The following STYX variants were observed in gnomAD, a reference collection of about 807,000 sequenced individuals.
STYX encodes the protein serine/threonine/tyrosine interacting protein.
A neutral mutation model predicts 42.7 loss-of-function variants in STYX; 20 were observed. That is an observed-to-expected ratio of 0.47 (90% CI 0.33 to 0.68). The LOEUF (loss-of-function observed/expected upper bound fraction) is 0.68, where lower values mean the gene tolerates loss of function less well. STYX is among the 30% of genes least tolerant of loss of function. STYX has a pLI of 0.02. For missense variants in STYX, 226 were observed against 268.5 expected (o/e 0.84, Z 1.11); for synonymous variants, 78 against 81.9 (o/e 0.95, Z 0.26).
chr14:52,770,515 G>A (rs1282737120), intron 10 of STYX, among the ~76,000 whole-genome samples: 3 of 152,054 alleles, frequency 2.0e-5, no homozygotes, highest in South Asian at 2.1e-4. Flanking sequence ...ATGAAGAATA[G>A]ATAAAAGAAA....
At position 52,750,772 on chromosome 14, in the gene STYX, G is replaced by T; in HGVS notation, c.234G>T (p.Gln78His). Residue 78 changes from glutamine (Q) to histidine (H), a missense_variant, in exon 4 of 11, where the codon CAG becomes CAT. Physicochemically the swap from Gln to His is conservative, Grantham distance 24. Coordinates refer to ENST00000354586, the MANE Select transcript of STYX (RefSeq NM_145251.4). The part of the protein sequence containing the change: ...EANFIKPNFQ[Q>H]LFRYLVLDIA... ...ACTTTATTAAACCAAACTTTCAGCA[G>T]TTATTTAGGTAAGAATTATTGCTAT... 1 of 1,556,872 alleles carries T rather than the reference G, an allele frequency of 6.4e-7. No individual in the cohort carries two copies.
chr14:52,739,632 CTTTTTTTTTT>C (rs58454717), intron 1 of STYX, among the ~76,000 whole-genome samples: 5 of 65,730 alleles, frequency 7.6e-5, no homozygotes, highest in East Asian at 4.1e-4. Context: ...TCCTTTCTTT[CTTTTTTTTTT>C]TTTTTTTTTT....
rs1395047696 is a variant in STYX, at chr14:52,732,140, C to T, written c.57+1609C>T. On this transcript the variant is annotated intron_variant, in intron 1 of 10. Coordinates refer to ENST00000354586, the MANE Select transcript of STYX (RefSeq NM_145251.4). Reference sequence around the variant, plus strand: ...ACACAGAGTTTCACTCTTGTTGCCCCAGGCTGGAGTGCAGTGGCGCTGTCT... The same window carrying T: ...ACACAGAGTTTCACTCTTGTTGCCCTAGGCTGGAGTGCAGTGGCGCTGTCT... 6.7e-5 allele frequency among the ~76,000 whole-genome samples: 10 copies of T among 149,770 alleles called. 1 individual carries two copies. The highest frequency in any genetic ancestry group is 9.9e-5 in the African/African-American group (4 of 40,556).
At position 52,746,474 on chromosome 14, in the gene STYX, A is replaced by G; in HGVS notation, c.139A>G (p.Ser47Gly). ...FLGPYSSAMK[S>G]KLPVLQKHGI... ...AGGCCCATATTCATCTGCTATGAAAAGCAAGGTATGAACTTTGTTAGATTC... is the reference window on the plus strand; with the variant it reads ...AGGCCCATATTCATCTGCTATGAAAGGCAAGGTATGAACTTTGTTAGATTC... The change falls in exon 3 of 11, where the codon AGC becomes GGC. Residue 47 changes from serine (S) to glycine (G), a missense_variant. Transcript: ENST00000354586. The G allele has an allele frequency of 6.4e-7, 1 of 1,554,334 alleles. No individual in the cohort carries two copies. Among genetic ancestry groups the G allele is most frequent in the Non-Finnish European group, 8.6e-7 (1 of 1,161,190 alleles).
In STYX at chr14:52,772,805, C is replaced by T. The variant is rs1882564187; in HGVS notation, c.*1699C>T. 6.6e-6 allele frequency: 1 copy of T among 151,724 alleles called. No individual in the cohort carries two copies. The highest frequency in any genetic ancestry group is 2.1e-4 in the South Asian group (1 of 4,818). The allele number at this position is 151,724 out of a possible 1,614,324, so 9.4% of individuals were successfully genotyped here. On this transcript the variant is annotated 3_prime_UTR_variant, in exon 11 of 11. Coordinates refer to ENST00000354586, the MANE Select transcript of STYX (RefSeq NM_145251.4). ...GTGATATTTCTCTTCTGATTTCCCTCCCCTTCCCTTCTCTTATCTTACCAC... is the reference window on the plus strand; with the variant it reads ...GTGATATTTCTCTTCTGATTTCCCTTCCCTTCCCTTCTCTTATCTTACCAC...
intron 1 of STYX, among the ~76,000 whole-genome samples, chr14:52,735,601 A>G (rs17619555): frequency 0.032 from 4,904 of 152,304 alleles, 117 homozygotes; most frequent in Non-Finnish European, 0.05. Flanking sequence ...TTAATTTTCT[A>G]ATCTCCAGTG....
rs1227928867 is a variant in STYX at position 52,774,344 on chromosome 14, A to G, written c.*3238A>G. ...TGAATTATAAAGTTGAGATATATAT[A>G]TATATGTATCAAGATCTCAACTTGA... On this transcript the variant is annotated 3_prime_UTR_variant, in exon 11 of 11. Transcript: ENST00000354586. 1 of 152,126 alleles carries G rather than the reference A, an allele frequency of 6.6e-6. No individual in the cohort carries two copies. Among genetic ancestry groups the G allele is most frequent in the Non-Finnish European group, 1.5e-5 (1 of 68,014 alleles). 9.4% of individuals were successfully genotyped at this position (152,126 alleles called of 1,614,324 possible).
intron 3 of STYX, among the ~76,000 whole-genome samples, chr14:52,747,886 C>A (rs1197791680): frequency 6.6e-6 from 1 of 152,044 alleles, no homozygotes; most frequent in African/African-American, 2.4e-5. Context: ...CAGCTACTCG[C>A]GAGGCTGAGG....
chr14:52,730,591 G>C, intron 1 of STYX, 60 bp downstream of exon 1: 1 of 1,570,828 alleles, frequency 6.4e-7, no homozygotes, highest in Non-Finnish European at 8.7e-7. Context: ...GCCGAGGGGC[G>C]ACCCCAGTCC....
At chr14:52,764,949 G>A (rs754142307) in intron 9 of STYX, among the ~76,000 whole-genome samples, 75 of 152,230 alleles carry the variant, frequency 4.9e-4, no homozygotes, top group Non-Finnish European at 7.4e-4. Context: ...GATTACGGGC[G>A]TGAGCCACGG....
Position 52,748,636 on chromosome 14 carries a change from A to G in STYX, c.145-2047A>G, listed in dbSNP as rs1445384384. On this transcript the variant is annotated intron_variant, in intron 3 of 10. Coordinates refer to ENST00000354586, the MANE Select transcript of STYX (RefSeq NM_145251.4). The stretch of plus-strand genomic sequence containing the variant: ...GCAGATCTGCCTCTGAAAAGTACAA[A>G]ATCTATTCGCTGTTACGTTAGGGCT... Among the ~76,000 whole-genome samples the G allele has an allele frequency of 2.0e-5, 3 of 152,130 alleles. No homozygotes were observed. The South Asian group carries it at 6.2e-4, about 32-fold the overall frequency.
At chr14:52,745,131 T>G (rs1281477916) in intron 2 of STYX, among the ~76,000 whole-genome samples, 2 of 151,502 alleles carry the variant, frequency 1.3e-5, no homozygotes, top group Non-Finnish European at 2.9e-5. Context: ...TTGTTTTTTT[T>G]TTTTTTGAAA....
intron 2 of STYX, among the ~76,000 whole-genome samples, 193 bp downstream of exon 2, chr14:52,745,077 A>G (rs1464653946): frequency 2.0e-5 from 3 of 151,696 alleles, no homozygotes; most frequent in Admixed American, 6.6e-5. Context: ...GAACGTAGTA[A>G]TAGGTGTATG....
At position 52,774,326 on chromosome 14, in the gene STYX, T is replaced by C. The variant is rs1000196420; in HGVS notation, c.*3220T>C. The stretch of plus-strand genomic sequence containing the variant: ...AATATTTAACTGCAATCTTGAATTA[T>C]AAAGTTGAGATATATATATATATGT... On this transcript the variant is annotated 3_prime_UTR_variant, in exon 11 of 11. Transcript: ENST00000354586. 6 of 152,122 alleles carry C rather than the reference T, an allele frequency of 3.9e-5. No individual in the cohort carries two copies. The highest frequency in any genetic ancestry group is 1.4e-4 in the African/African-American group (6 of 41,420). The allele number at this position is 152,122 out of a possible 1,614,324, so 9.4% of individuals were successfully genotyped here.
chr14:52,730,373 C>G lies in STYX; in HGVS notation c.-102C>G, dbSNP rs1431358815. The G allele has an allele frequency of 1.1e-5, 13 of 1,237,522 alleles. No homozygotes were observed. Among genetic ancestry groups the G allele is most frequent in the African/African-American group, 1.5e-5 (1 of 67,132 alleles). 76.7% of individuals were successfully genotyped at this position (1,237,522 alleles called of 1,614,324 possible). A position where few individuals can be genotyped will look rare whatever the true frequency, so the allele number is the denominator to read the frequency against. On this transcript the variant is annotated 5_prime_UTR_variant, in exon 1 of 11. Coordinates refer to ENST00000354586, the MANE Select transcript of STYX (RefSeq NM_145251.4). ...TCCCGCCGCCCTCCTGTCAGCCCTC[C>G]GCTCCGCCGGCCCTCCTTCCTTCCG...
intron 1 of STYX, among the ~76,000 whole-genome samples, chr14:52,730,978 T>G (rs1057169756): frequency 6.6e-6 from 1 of 152,230 alleles, no homozygotes; most frequent in African/African-American, 2.4e-5. Context: ...TTCCCAAAGT[T>G]TTTTGTTTGT....
chr14:52,747,297 T>A (rs1402452423), intron 3 of STYX, among the ~76,000 whole-genome samples: 1 of 152,212 alleles, frequency 6.6e-6, no homozygotes, highest in African/African-American at 2.4e-5. Context: ...ATATCATAGA[T>A]GTCTTTCCCC....
intron 2 of STYX, among the ~76,000 whole-genome samples, 153 bp downstream of exon 2, chr14:52,745,037 G>A (rs1037543825): frequency 2.6e-5 from 4 of 151,440 alleles, no homozygotes; most frequent in African/African-American, 9.7e-5. Flanking sequence ...GTTAATCTTG[G>A]ATCTTAAAAC....
chr14:52,758,974 G>T (rs537493129), intron 8 of STYX, among the ~76,000 whole-genome samples: 1 of 152,110 alleles, frequency 6.6e-6, no homozygotes, highest in African/African-American at 2.4e-5. Flanking sequence ...GACCATTAAT[G>T]TTGGAAATAA....
Sources: allele counts gnomAD v4.1 joint callset (sites outside exome capture counted in the v4.1 genomes callset), GRCh38; gene constraint gnomAD v4.1.1; transcripts MANE v1.5; gene names NCBI Gene and HGNC (gene_info 2026-07-23, HGNC 2026-07-21).